ABCA4: variants seen among roughly 807,000 people sequenced by gnomAD.
ABCA4 encodes retinal-specific phospholipid-transporting ATPase ABCA4.
A neutral mutation model predicts 263.7 loss-of-function variants in ABCA4; 196 were observed. That is an observed-to-expected ratio of 0.74 (90% CI 0.66 to 0.84). The LOEUF is 0.84. Ranked by LOEUF, ABCA4 falls within the 40% of genes least tolerant of loss-of-function variation. The pLI is 0.00. For synonymous variants in ABCA4, 1,133 were observed against 1,094.2 expected, an observed-to-expected ratio of 1.04 and a Z score of -0.70; for missense variants, 2,792 against 2,855.1, an observed-to-expected ratio of 0.98 and a Z score of 0.50.
chr1:94,081,624 G>GTGTGTCTGTACGCCTGTT lies in ABCA4; in HGVS notation c.859-907_859-906insAACAGGCGTACAGACACA, dbSNP rs374293144. On this transcript the variant is annotated intron_variant, in intron 7 of 49. Transcript: ENST00000370225. ...TGTGCGTGTGTGTGTGCACGCCTGT[G>GTGTGTCTGTACGCCTGTT]TGTGTCTGTGTGTGCGTTTTAAAAT... Among the ~76,000 whole-genome samples the GTGTGTCTGTACGCCTGTT allele has an allele frequency of 8.1e-3, 1,232 of 152,298 alleles. 14 individuals carry two copies. Among genetic ancestry groups the GTGTGTCTGTACGCCTGTT allele is most frequent in the African/African-American group, 0.028 (1,163 of 41,556 alleles).
chr1:94,037,642 G>A (rs1168003062), intron 24 of ABCA4, among the ~76,000 whole-genome samples: 2 of 152,140 alleles, frequency 1.3e-5, no homozygotes, highest in Non-Finnish European at 2.9e-5. Context: ...TCCTGTGCCA[G>A]TTCCTCCTCT....
intron 3 of ABCA4, among the ~76,000 whole-genome samples, 181 bp from the exon 4 acceptor site, chr1:94,108,897 C>T (rs183221124): frequency 7.6e-4 from 115 of 152,122 alleles, no homozygotes; most frequent in Middle Eastern, 6.8e-3. Context: ...CTCAGCCTCC[C>T]GAGTAGCTGG....
chr1:94,071,071 G>A (rs1238068494), intron 11 of ABCA4, among the ~76,000 whole-genome samples: 1 of 152,206 alleles, frequency 6.6e-6, no homozygotes, highest in African/African-American at 2.4e-5. Flanking sequence ...AGAATTGACA[G>A]TGCTTAGAGG....
In ABCA4 at chr1:94,111,623, A is replaced by G. The variant is rs762039825; in HGVS notation, c.161-44T>C. On this transcript the variant is annotated intron_variant, in intron 2 of 49. Transcript: ENST00000370225. ...GGACAAGACGGGATTAGTCATGGAGACCAAGCAGGATGCAGACCTAGGAGT... is the reference window on the plus strand; with the variant it reads ...GGACAAGACGGGATTAGTCATGGAGGCCAAGCAGGATGCAGACCTAGGAGT... 8 of 1,611,908 alleles carry G rather than the reference A, an allele frequency of 5.0e-6. No homozygotes were observed. The East Asian group carries it at 1.8e-4, about 36-fold the overall frequency.
intron 11 of ABCA4, among the ~76,000 whole-genome samples, chr1:94,071,752 G>C (rs1424379697): frequency 1.3e-5 from 2 of 152,094 alleles, no homozygotes; most frequent in Non-Finnish European, 2.9e-5. Flanking sequence ...TCTACCCCTT[G>C]CCCACATTTT....
At chr1:94,047,614 A>G (rs917208645) in intron 18 of ABCA4, among the ~76,000 whole-genome samples, 1 of 152,174 alleles carries the variant, frequency 6.6e-6, no homozygotes, top group Non-Finnish European at 1.5e-5. Context: ...TCCCAAAACA[A>G]CATCTGCCTT....
chr1:94,013,653 T>C (rs1025035938), intron 38 of ABCA4, among the ~76,000 whole-genome samples: 6 of 150,792 alleles, frequency 4.0e-5, no homozygotes, highest in African/African-American at 1.5e-4. Context: ...CTTCTTTTTT[T>C]CCCCCTCTTT....
intron 39 of ABCA4, 37 bp downstream of exon 39, chr1:94,011,225 C>T (rs912046746): frequency 1.2e-6 from 2 of 1,613,770 alleles, no homozygotes; most frequent in Non-Finnish European, 8.5e-7. Flanking sequence ...GCTTTGGACC[C>T]AGGGCCCATG....
chr1:94,040,436 T>A lies in ABCA4; in HGVS notation c.3523-309A>T, dbSNP rs965689987. Among the ~76,000 whole-genome samples the A allele has an allele frequency of 6.6e-5, 10 of 152,076 alleles. No homozygotes were observed. The East Asian group carries it at 1.7e-3, about 26-fold the overall frequency. On this transcript the variant is annotated intron_variant, in intron 23 of 49. Coordinates refer to ENST00000370225, the MANE Select transcript of ABCA4 (RefSeq NM_000350.3). ...CTGTGGGAGACATTCTGTGCCTCCC[T>A]CCCCGTGGATGGACATAGGAAACCC...
chr1:94,114,624 C>A (rs893714710), intron 1 of ABCA4, among the ~76,000 whole-genome samples: 4 of 152,148 alleles, frequency 2.6e-5, no homozygotes, highest in Non-Finnish European at 5.9e-5. Flanking sequence ...GTAGCTGGGA[C>A]TGCAGGTGCC....
intron 38 of ABCA4, 74 bp from the exon 39 acceptor site, chr1:94,011,459 A>G: frequency 6.2e-7 from 1 of 1,605,982 alleles, no homozygotes; most frequent in Non-Finnish European, 8.5e-7. Flanking sequence ...TGGGGCCCAG[A>G]TGCTCTCACA....
intron 6 of ABCA4, among the ~76,000 whole-genome samples, chr1:94,094,898 A>C (rs546832703): frequency 1.3e-5 from 2 of 152,326 alleles, no homozygotes; most frequent in South Asian, 4.1e-4. Flanking sequence ...TGTTGGCACT[A>C]ATAATACCTT....
In ABCA4 at chr1:94,001,926, T is replaced by C; in HGVS notation, c.6214A>G (p.Ser2072Gly). ...VYADCLAGTY[S>G]GGNKRKLSTA... is the part of the protein sequence containing the mutation. ...GAGAGTTTCCGCTTGTTGCCCCCAC[T>C]GTACGTGCCAGCCAGGCAGTCGGCG... Residue 2072 changes from serine (S) to glycine (G), a missense_variant, in exon 45 of 50, where the codon AGT becomes GGT. Ser to Gly is a moderately conservative substitution (Grantham distance 56). Transcript: ENST00000370225. The C allele has an allele frequency of 6.2e-7, 1 of 1,614,186 alleles. No individual in the cohort carries two copies. Among genetic ancestry groups the C allele is most frequent in the Non-Finnish European group, 8.5e-7 (1 of 1,180,024 alleles).
At chr1:94,117,546 T>A (rs1412473077) in intron 1 of ABCA4, among the ~76,000 whole-genome samples, 1 of 152,046 alleles carries the variant, frequency 6.6e-6, no homozygotes, top group Non-Finnish European at 1.5e-5. Context: ...CACCTAGTGA[T>A]CTTCATAAAC....
chr1:94,054,787 G>A (rs1660928316), intron 16 of ABCA4, among the ~76,000 whole-genome samples: 1 of 152,166 alleles, frequency 6.6e-6, no homozygotes, highest in African/African-American at 2.4e-5. Flanking sequence ...ATTTGACAGA[G>A]AGGGCTGACA....
Position 94,080,707 on chromosome 1 carries a change from C to A in ABCA4, c.870G>T (p.Arg290=). ...CCCACAGCAAGTCCTGCATACTCGG[C>A]CGATGGATAAACTAGGGCAAGGCAA... is the stretch of plus-strand genomic sequence containing the variant. The part of the protein sequence containing the change: ...MSPRIQEFIH[R]PSMQDLLWVT... The change falls in exon 8 of 50, where the codon CGG becomes CGT. Residue 290 remains arginine (R), a synonymous_variant. Coordinates refer to ENST00000370225, the MANE Select transcript of ABCA4 (RefSeq NM_000350.3). 1 of 1,614,104 alleles carries A rather than the reference C, an allele frequency of 6.2e-7. No homozygotes were observed. The highest frequency in any genetic ancestry group is 8.5e-7 in the Non-Finnish European group (1 of 1,180,038).
At chr1:94,024,511 T>C (rs1659984516) in intron 31 of ABCA4, among the ~76,000 whole-genome samples, 1 of 152,228 alleles carries the variant, frequency 6.6e-6, no homozygotes, top group Non-Finnish European at 1.5e-5. Flanking sequence ...GCTGCCTCTT[T>C]CCCACCCTAT....
intron 11 of ABCA4, among the ~76,000 whole-genome samples, chr1:94,070,408 C>T (rs768104550): frequency 7.2e-5 from 11 of 152,186 alleles, no homozygotes; most frequent in Non-Finnish European, 1.5e-4. Context: ...CCAGCCCATC[C>T]ATTTCTCTTG....
chr1:94,021,212 T>C lies in ABCA4; in HGVS notation c.5018+28A>G, dbSNP rs765866680. On this transcript the variant is annotated intron_variant, in intron 35 of 49. Coordinates refer to ENST00000370225, the MANE Select transcript of ABCA4 (RefSeq NM_000350.3). ...AAGAGTGGAGAAGGTGACAAGAAAG[T>C]GGTGAGGCTGGGGCTGTGGTGGCTT... 5.0e-6 allele frequency: 8 copies of C among 1,613,602 alleles called. No homozygotes were observed. In the Admixed American group the frequency reaches 8.3e-5, roughly 17 times the overall value.
Sources: gnomAD v4.1 joint callset for allele counts (sites outside exome capture counted in the v4.1 genomes callset) on GRCh38, gnomAD v4.1.1 for gene constraint, MANE v1.5 for transcripts, NCBI Gene and HGNC (gene_info 2026-07-23, HGNC 2026-07-21) for gene names.